Variants in MAF observed in about 807,000 individuals in gnomAD.
MAF encodes MAF bZIP transcription factor.
A neutral mutation model predicts 22.0 loss-of-function variants in MAF; 10 were observed. That is an observed-to-expected ratio of 0.45 (90% CI 0.28 to 0.77). The LOEUF is 0.77. Ranked by LOEUF, MAF falls within the 30% of genes least tolerant of loss-of-function variation. The pLI is 0.12. For synonymous variants in MAF, 337 were observed against 255.8 expected, an observed-to-expected ratio of 1.32 and a Z score of -3.03; for missense variants, 544 against 548.4, an observed-to-expected ratio of 0.99 and a Z score of 0.08.
At chr16:79,574,662 C>A in the MAF span, among the ~76,000 whole-genome samples, 1 of 152,076 alleles carries the variant, frequency 6.6e-6, no homozygotes, top group African/African-American at 2.4e-5. Flanking sequence ...ATGTGACCTA[C>A]CCAGGTCACA....
At chr16:79,368,956 T>A in the MAF span, among the ~76,000 whole-genome samples, 3 of 152,230 alleles carry the variant, frequency 2.0e-5, no homozygotes, top group African/African-American at 7.2e-5. Context: ...TTGTTTTTTG[T>A]TGTTTTGCTG....
At chr16:79,525,335 T>A in the MAF span, among the ~76,000 whole-genome samples, 1 of 152,192 alleles carries the variant, frequency 6.6e-6, no homozygotes, top group Non-Finnish European at 1.5e-5. Flanking sequence ...CCTTTCTGAC[T>A]TGGCAAGACA....
the MAF span, among the ~76,000 whole-genome samples, chr16:79,288,750 G>C: frequency 1.3e-5 from 2 of 152,260 alleles, no homozygotes; most frequent in East Asian, 1.9e-4. Context: ...TGTTTTTTGA[G>C]ATAGGGTCTC....
chr16:79,234,047 T>C, the MAF span, among the ~76,000 whole-genome samples: 1 of 151,972 alleles, frequency 6.6e-6, no homozygotes, highest in African/African-American at 2.4e-5. Context: ...ACACCAATTT[T>C]TGCTTTCATT....
chr16:79,363,816 T>C, the MAF span, among the ~76,000 whole-genome samples: 4 of 152,148 alleles, frequency 2.6e-5, no homozygotes, highest in South Asian at 8.3e-4. Context: ...ATAGGACATC[T>C]AAGTGAAGGA....
At chr16:79,461,819 G>A in the MAF span, among the ~76,000 whole-genome samples, 2 of 152,144 alleles carry the variant, frequency 1.3e-5, no homozygotes, top group African/African-American at 4.8e-5. Flanking sequence ...ATCCTCCTAT[G>A]CCAGTTTTCC....
At chr16:79,474,309 C>T in the MAF span, among the ~76,000 whole-genome samples, 3 of 152,180 alleles carry the variant, frequency 2.0e-5, no homozygotes, top group Non-Finnish European at 2.9e-5. Flanking sequence ...TGTACTATTA[C>T]CATTTATAAA....
At chr16:79,433,297 T>A in the MAF span, among the ~76,000 whole-genome samples, 2 of 146,958 alleles carry the variant, frequency 1.4e-5, no homozygotes, top group East Asian at 2.0e-4. Flanking sequence ...TATATATATA[T>A]AATACTATGA....
chr16:79,444,203 CACAAAT>C, the MAF span, among the ~76,000 whole-genome samples: 2 of 152,006 alleles, frequency 1.3e-5, no homozygotes, highest in African/African-American at 4.8e-5. Flanking sequence ...TACACACACA[CACAAAT>C]ACAAATACAG....
the MAF span, among the ~76,000 whole-genome samples, chr16:79,353,256 G>A: frequency 6.6e-6 from 1 of 151,928 alleles, no homozygotes; most frequent in Non-Finnish European, 1.5e-5. Flanking sequence ...TGCCTCCCAA[G>A]TAGCTGGGAC....
the MAF span, among the ~76,000 whole-genome samples, chr16:79,391,007 C>T: frequency 6.6e-6 from 1 of 152,178 alleles, no homozygotes; most frequent in Admixed American, 6.5e-5. Context: ...TCGATGATGG[C>T]TCTGGCTTCC....
intron 1 of MAF, chr16:79,598,141 T>C (rs1287245174): frequency 2.5e-5 from 26 of 1,043,500 alleles, no homozygotes; most frequent in Non-Finnish European, 2.8e-5. Context: ...CATGAAGAAC[T>C]CAGGAGAAGA....
the MAF span, among the ~76,000 whole-genome samples, chr16:79,268,160 T>G: frequency 6.6e-6 from 1 of 152,086 alleles, no homozygotes; most frequent in Non-Finnish European, 1.5e-5. Context: ...ATGCCCTCCA[T>G]GACCATGGGG....
chr16:79,531,191 T>A, the MAF span, among the ~76,000 whole-genome samples: 1 of 152,148 alleles, frequency 6.6e-6, no homozygotes, highest in South Asian at 2.1e-4. Flanking sequence ...CCTAGGTGGT[T>A]CAAAGGGGTA....
At chr16:79,225,763 C>T in the MAF span, among the ~76,000 whole-genome samples, 2 of 152,082 alleles carry the variant, frequency 1.3e-5, no homozygotes, top group Non-Finnish European at 1.5e-5. Context: ...ATACAGTCAG[C>T]AAACATATGA....
chr16:79,299,642 GC>G, the MAF span, among the ~76,000 whole-genome samples: 3 of 152,270 alleles, frequency 2.0e-5, no homozygotes, highest in African/African-American at 7.2e-5. Context: ...GCCCTGGAGG[GC>G]CCCTGAGACC....
the MAF span, among the ~76,000 whole-genome samples, chr16:79,353,123 A>T: frequency 7.6e-3 from 1,090 of 143,656 alleles, 17 homozygotes; most frequent in African/African-American, 0.031. Flanking sequence ...ACTCACCAGG[A>T]ATTTTTTTTT....
the MAF span, among the ~76,000 whole-genome samples, chr16:79,271,812 A>G: frequency 1.3e-5 from 2 of 152,244 alleles, no homozygotes; most frequent in African/African-American, 4.8e-5. Context: ...TATAAAAGGT[A>G]CAATATGGAG....
At chr16:79,402,956 T>G in the MAF span, among the ~76,000 whole-genome samples, 1 of 152,134 alleles carries the variant, frequency 6.6e-6, no homozygotes, top group African/African-American at 2.4e-5. Flanking sequence ...TTGGGAGTCC[T>G]TGCCCACCCA....
Sources: allele counts gnomAD v4.1 joint callset (sites outside exome capture counted in the v4.1 genomes callset), GRCh38; gene constraint gnomAD v4.1.1; transcripts MANE v1.5; gene names NCBI Gene and HGNC (gene_info 2026-07-23, HGNC 2026-07-21).